ME2: variants seen among roughly 807,000 people sequenced by gnomAD.
The protein encoded by ME2 is NAD-dependent malic enzyme, mitochondrial.
Under a neutral mutation model 73.7 loss-of-function variants are expected in ME2, and 60 were observed. The ratio of observed to expected loss-of-function variants is 0.81; its 90% CI spans 0.66 to 1.01. The LOEUF (loss-of-function observed/expected upper bound fraction) is 1.01, where lower values mean the gene tolerates loss of function less well. Among genes scored for constraint, ME2 ranks in the 50% least tolerant of loss-of-function variants. The probability of loss-of-function intolerance (pLI) is 0.00; values close to 1 mark genes in which losing one functional copy is unlikely to be tolerated. For synonymous variants in ME2, 199 were observed against 236.9 expected (o/e 0.84, Z 1.47); for missense variants, 594 against 705.5 (o/e 0.84, Z 1.79).
rs368161371 is a variant in ME2, at chr18:50,927,721, C to CATATATATATATATATATAT, written c.1314+1835_1314+1854dup. 3.3e-4 allele frequency among the ~76,000 whole-genome samples: 28 copies of CATATATATATATATATATAT among 85,436 alleles called. 1 individual carries two copies. Among genetic ancestry groups the CATATATATATATATATATAT allele is most frequent in the South Asian group, 1.7e-3 (3 of 1,748 alleles). The allele number at this position is 85,436 out of a possible 152,430, so 56.0% of individuals were successfully genotyped here. On this transcript the variant is annotated intron_variant, in intron 12 of 15. Coordinates refer to ENST00000321341, the MANE Select transcript of ME2 (RefSeq NM_002396.5). ...CATCTCAAAAAAAACCCCAAAAAAC[C>CATATATATATATATATATAT]ATATATATATATATATATATATATA... is the stretch of plus-strand genomic sequence containing the variant.
chr18:50,894,160 A>G (rs1916674631), intron 1 of ME2, among the ~76,000 whole-genome samples: 1 of 152,240 alleles, frequency 6.6e-6, no homozygotes, highest in African/African-American at 2.4e-5. Flanking sequence ...TTGATTTCAA[A>G]GGTTGATGGA....
rs775051765 is a variant in ME2 at position 50,947,054 on chromosome 18, G to A, written c.1625G>A (p.Arg542Gln). ...CTATATGCTAATAAAATGGCTTTCC[G>A]ATACCCAGAACCTGAAGACAAGGCC... ...EYLYANKMAF[R>Q]YPEPEDKAKY... The change falls in exon 16 of 16, where the codon CGA becomes CAA. Residue 542 changes from arginine to glutamine, a missense_variant. By Grantham distance (43) the Arg-to-Gln change is conservative. Coordinates refer to ENST00000321341, the MANE Select transcript of ME2 (RefSeq NM_002396.5). The A allele has an allele frequency of 6.8e-6, 11 of 1,613,686 alleles. No individual in the cohort carries two copies. Among genetic ancestry groups the A allele is most frequent in the East Asian group, 2.2e-5 (1 of 44,866 alleles).
chr18:50,907,376 C>A (rs1333229845), intron 2 of ME2, among the ~76,000 whole-genome samples: 2 of 152,168 alleles, frequency 1.3e-5, no homozygotes, highest in African/African-American at 4.8e-5. Context: ...CTGATTGCTG[C>A]ATTTCTTTGG....
At chr18:50,916,086 A>G in intron 4 of ME2, 82 bp from the exon 5 acceptor site, 3 of 941,350 alleles carry the variant, frequency 3.2e-6, no homozygotes, top group South Asian at 1.5e-5. Flanking sequence ...ATTTTATTAA[A>G]ATATCAAAAT....
rs1918179441 is a variant in ME2 at position 50,949,754 on chromosome 18, C to T, written c.*2570C>T. On this transcript the variant is annotated 3_prime_UTR_variant, in exon 16 of 16. Coordinates refer to ENST00000321341, the MANE Select transcript of ME2 (RefSeq NM_002396.5). ...TTAAGGAAAAAAATAGGCTAAATGG[C>T]ATATAGCCTGCTTAAATAAAATAAT... 1 of 152,108 alleles carries T rather than the reference C, an allele frequency of 6.6e-6. No homozygotes were observed. Among genetic ancestry groups the T allele is most frequent in the Non-Finnish European group, 1.5e-5 (1 of 68,006 alleles). The allele number at this position is 152,108 out of a possible 1,614,324, so 9.4% of individuals were successfully genotyped here.
chr18:50,927,708 A>T (rs1428119611), intron 12 of ME2, among the ~76,000 whole-genome samples: 2 of 112,836 alleles, frequency 1.8e-5, no homozygotes, highest in Admixed American at 1.1e-4. Flanking sequence ...TCTCAAAAAA[A>T]ACCCCAAAAA....
In ME2 at chr18:50,912,948, T is replaced by C. The variant is rs1163603391; in HGVS notation, c.390T>C (p.Pro130=). 3.8e-6 allele frequency: 6 copies of C among 1,584,798 alleles called. No homozygotes were observed. The Admixed American group carries it at 7.8e-5, about 21-fold the overall frequency. ...CSQYGHIFRR[P]KGLFISISDR... is the part of the protein sequence containing the mutation. ...AGTATGGACACATCTTTAGAAGACC[T>C]AAGTAAGGCTTGTTTAAAAAAAAGC... Residue 130 remains proline (P), a splice_region_variant and synonymous_variant, in exon 4 of 16, where the codon CCT becomes CCC. Coordinates refer to ENST00000321341, the MANE Select transcript of ME2 (RefSeq NM_002396.5).
At chr18:50,921,406 T>TA (rs147133997) in intron 10 of ME2, among the ~76,000 whole-genome samples, 2,963 of 152,252 alleles carry the variant, frequency 0.019, 90 homozygotes, top group African/African-American at 0.067. Flanking sequence ...GCATCAGACT[T>TA]ACTCTTTCTT....
chr18:50,891,553 G>A (rs760057250), intron 1 of ME2, among the ~76,000 whole-genome samples: 2 of 152,124 alleles, frequency 1.3e-5, no homozygotes, highest in East Asian at 3.8e-4. Context: ...TTCATGGAAA[G>A]TCCCAGAGGT....
intron 1 of ME2, among the ~76,000 whole-genome samples, 196 bp from the exon 2 acceptor site, chr18:50,895,613 A>G (rs1290959481): frequency 2.6e-5 from 4 of 152,232 alleles, no homozygotes; most frequent in Non-Finnish European, 5.9e-5. Context: ...TGGTACTTAA[A>G]GAGTAGCAGT....
At chr18:50,937,395 A>T (rs982011876) in intron 13 of ME2, among the ~76,000 whole-genome samples, 49 of 152,342 alleles carry the variant, frequency 3.2e-4, no homozygotes, top group African/African-American at 9.9e-4. Context: ...TAGGAAGTTT[A>T]AAAGCATGTG....
At chr18:50,913,083 G>GTTAATCTCTTTTA in intron 4 of ME2, 133 bp downstream of exon 4, 1 of 641,284 alleles carries the variant, frequency 1.6e-6, no homozygotes, top group Non-Finnish European at 2.5e-6. Flanking sequence ...ACGTAATTTT[G>GTTAATCTCTTTTA]ATTAAAAGAG....
At chr18:50,889,745 C>G (rs906111150) in intron 1 of ME2, among the ~76,000 whole-genome samples, 2 of 152,126 alleles carry the variant, frequency 1.3e-5, no homozygotes, top group Non-Finnish European at 2.9e-5. Context: ...AGTTTTGGAA[C>G]ACATATTAAC....
intron 15 of ME2, among the ~76,000 whole-genome samples, chr18:50,940,703 C>T (rs1474621622): frequency 1.3e-5 from 2 of 152,110 alleles, no homozygotes; most frequent in South Asian, 2.1e-4. Flanking sequence ...TGGCCTGAAG[C>T]GATCCTCCTG....
intron 2 of ME2, among the ~76,000 whole-genome samples, chr18:50,907,397 G>C (rs151181638): frequency 6.6e-6 from 1 of 152,294 alleles, no homozygotes; most frequent in African/African-American, 2.4e-5. Context: ...TAAATTTCCA[G>C]AATGTTGAAG....
At chr18:50,881,256 C>T (rs1210257932) in intron 1 of ME2, among the ~76,000 whole-genome samples, 2 of 152,154 alleles carry the variant, frequency 1.3e-5, no homozygotes, top group African/African-American at 2.4e-5. Flanking sequence ...AGGCTGGTCT[C>T]GAACTGCTGA....
At position 50,920,566 on chromosome 18, in the gene ME2, G is replaced by C; in HGVS notation, c.844+1G>C. The C allele has an allele frequency of 6.3e-7, 1 of 1,578,520 alleles. No individual in the cohort carries two copies. Among genetic ancestry groups the C allele is most frequent in the Non-Finnish European group, 8.6e-7 (1 of 1,167,152 alleles). ...TGTACTTTCAATGATGATATTCAAG[G>C]TAAAGCAAAAAAACTTCAGGGTTTT... On this transcript the variant is annotated splice_donor_variant, in intron 8 of 15. Coordinates refer to ENST00000321341, the MANE Select transcript of ME2 (RefSeq NM_002396.5). LOFTEE classifies it high-confidence loss of function.
chr18:50,916,289 T>C, intron 5 of ME2, 46 bp downstream of exon 5: 1 of 1,402,552 alleles, frequency 7.1e-7, no homozygotes, highest in Non-Finnish European at 1.0e-6. Flanking sequence ...TCTCTTTTCT[T>C]GTAAATTACC....
chr18:50,903,826 G>A (rs1376687127), intron 2 of ME2, among the ~76,000 whole-genome samples: 1 of 151,916 alleles, frequency 6.6e-6, no homozygotes, highest in Non-Finnish European at 1.5e-5. Context: ...TGCTAGAGTT[G>A]GAAAAAAAGA....
Sources: allele counts gnomAD v4.1 joint callset (sites outside exome capture counted in the v4.1 genomes callset), GRCh38; gene constraint gnomAD v4.1.1; transcripts MANE v1.5; gene names NCBI Gene and HGNC (gene_info 2026-07-23, HGNC 2026-07-21).